The following CNIH3 variants were observed in gnomAD, a reference collection of about 807,000 sequenced individuals.
The protein encoded by CNIH3 is cornichon family AMPA receptor auxiliary protein 3, also known as protein cornichon homolog 3.
In CNIH3, 14 loss-of-function variants were observed where a neutral mutation model predicts 24.1. The ratio of observed to expected loss-of-function variants is 0.58; its 90% confidence interval spans 0.38 to 0.91. CNIH3 has a LOEUF of 0.91. Ranked by LOEUF, CNIH3 falls within the 40% of genes least tolerant of loss-of-function variation. CNIH3 has a pLI of 0.00. For synonymous variants in CNIH3, 68 were observed against 73.8 expected, an observed-to-expected ratio of 0.92 and a Z score of 0.40; for missense variants, 178 against 196.8, an observed-to-expected ratio of 0.90 and a Z score of 0.57.
intron 1 of CNIH3, among the ~76,000 whole-genome samples, chr1:224,646,648 C>G (rs891670227): frequency 6.6e-6 from 1 of 152,142 alleles, no homozygotes; most frequent in African/African-American, 2.4e-5. Context: ...TCAAGCAACC[C>G]TCCTGCTTCG....
At chr1:224,667,821 A>T (rs1685669039) in intron 1 of CNIH3, among the ~76,000 whole-genome samples, 1 of 152,068 alleles carries the variant, frequency 6.6e-6, no homozygotes, top group Non-Finnish European at 1.5e-5. Flanking sequence ...TTGGCATACC[A>T]ATCCCTAAGG....
At chr1:224,615,961 G>C (rs566950975), upstream of CNIH3, 2 of 153,046 alleles carry the variant, frequency 1.3e-5, no homozygotes, top group East Asian at 3.8e-4. Context: ...CAAGAACCGG[G>C]AGGGGCGGCT....
At chr1:224,674,916 G>T (rs770966176) in intron 1 of CNIH3, among the ~76,000 whole-genome samples, 1 of 152,038 alleles carries the variant, frequency 6.6e-6, no homozygotes, top group Non-Finnish European at 1.5e-5. Flanking sequence ...TGCATCTCCT[G>T]CAAGACCTCC....
intron 3 of CNIH3, among the ~76,000 whole-genome samples, chr1:224,553,309 T>G (rs1680003378): frequency 6.6e-6 from 1 of 151,828 alleles, no homozygotes; most frequent in Non-Finnish European, 1.5e-5. Context: ...CCCTGTGATA[T>G]TAAGAGTAAT....
chr1:224,682,362 C>G (rs1243524279), intron 2 of CNIH3, among the ~76,000 whole-genome samples: 2 of 152,192 alleles, frequency 1.3e-5, no homozygotes, highest in Admixed American at 1.3e-4. Flanking sequence ...CCCAGGCTTG[C>G]CTGTCTCCAA....
intron 1 of CNIH3, among the ~76,000 whole-genome samples, chr1:224,483,759 TG>T (rs1343593106): frequency 1.3e-5 from 2 of 152,080 alleles, no homozygotes; most frequent in Non-Finnish European, 2.9e-5. Flanking sequence ...GGTGTTCCTG[TG>T]GGGGATGACA....
intron 1 of CNIH3, among the ~76,000 whole-genome samples, chr1:224,453,958 T>C (rs938246571): frequency 5.9e-5 from 9 of 152,234 alleles, no homozygotes; most frequent in Admixed American, 3.3e-4. Context: ...GTCCAAAAGA[T>C]TGCGCATTAA....
chr1:224,460,499 C>T (rs957097932), intron 1 of CNIH3, among the ~76,000 whole-genome samples: 5 of 152,170 alleles, frequency 3.3e-5, no homozygotes, highest in Non-Finnish European at 7.4e-5. Flanking sequence ...CTTCTTTTGT[C>T]TGTCTTCTTT....
intron 1 of CNIH3, among the ~76,000 whole-genome samples, chr1:224,461,329 G>A (rs758455801): frequency 6.6e-5 from 10 of 152,126 alleles, no homozygotes; most frequent in Non-Finnish European, 1.2e-4. Context: ...AACAAAGGAT[G>A]TTTAATACAG....
At chr1:224,594,414 G>C (rs1572545569) in intron 3 of CNIH3, among the ~76,000 whole-genome samples, 2 of 152,322 alleles carry the variant, frequency 1.3e-5, no homozygotes, top group African/African-American at 4.8e-5. Flanking sequence ...CACGAGTTCT[G>C]TCTATAGTGG....
At chr1:224,509,094 G>A (rs532704849) in intron 1 of CNIH3, among the ~76,000 whole-genome samples, 9 of 152,316 alleles carry the variant, frequency 5.9e-5, no homozygotes, top group African/African-American at 2.2e-4. Context: ...AGGCCAAGGT[G>A]GGTGGATCAC....
intron 4 of CNIH3, among the ~76,000 whole-genome samples, chr1:224,568,296 CAAGCAAACAAACAA>C (rs1174258224): frequency 1.1e-5 from 1 of 91,142 alleles, no homozygotes; most frequent in Non-Finnish European, 2.6e-5. Context: ...CTCAAACAAA[CAAGCAAACAAACAA>C]AAAAAATTTA....
chr1:224,581,831 C>G (rs990204531), intron 4 of CNIH3, among the ~76,000 whole-genome samples: 1 of 152,116 alleles, frequency 6.6e-6, no homozygotes, highest in Non-Finnish European at 1.5e-5. Flanking sequence ...CACTTATAAA[C>G]CTAGACTTTG....
At chr1:224,682,440 C>G (rs773402271) in intron 2 of CNIH3, among the ~76,000 whole-genome samples, 3 of 152,124 alleles carry the variant, frequency 2.0e-5, no homozygotes, top group Non-Finnish European at 4.4e-5. Flanking sequence ...TATCTGAGGC[C>G]CACTTTGGCA....
intron 5 of CNIH3, among the ~76,000 whole-genome samples, chr1:224,737,912 C>G (rs1023143788): frequency 6.6e-6 from 1 of 152,210 alleles, no homozygotes; most frequent in Non-Finnish European, 1.5e-5. Flanking sequence ...GATACTAATA[C>G]TAGCTAGTGA....
At chr1:224,587,245 A>G (rs1681549669) in intron 5 of CNIH3, 1 of 152,416 alleles carries the variant, frequency 6.6e-6, no homozygotes, top group South Asian at 2.1e-4. Flanking sequence ...CAGAGACCCC[A>G]GACTTCAGAA....
rs1167096315 is a variant in CNIH3, at chr1:224,704,469, T to C, written c.198+19626T>C. ...CCTGAGTCTCATTTAACATTTTATT[T>C]TGAAAAATGTCAAATATAAGGGGAT... is the stretch of plus-strand genomic sequence containing the variant. On this transcript the variant is annotated intron_variant, in intron 3 of 5. Transcript: ENST00000272133. The surrounding 1 kb of genome is among the most constrained non-coding windows in gnomAD (Gnocchi z 4.2). Among the ~76,000 whole-genome samples, 2 of 152,166 alleles carry C rather than the reference T, an allele frequency of 1.3e-5. No individual in the cohort carries two copies.
In CNIH3 at chr1:224,660,433, G is replaced by A. The variant is rs149432402; in HGVS notation, c.82-20525G>A. Among the ~76,000 whole-genome samples, 297 of 152,226 alleles carry A rather than the reference G, an allele frequency of 2.0e-3. 3 individuals carry two copies. Among genetic ancestry groups the A allele is most frequent in the African/African-American group, 6.9e-3 (285 of 41,540 alleles). On this transcript the variant is annotated intron_variant, in intron 1 of 5. Transcript: ENST00000272133. ...TTGGTTGGGGACACAGCCAAACCGT[G>A]TCAGATAACTTCTGAATTAAACAAA... is the stretch of plus-strand genomic sequence containing the variant.
chr1:224,619,398 G>A (rs1057052624), intron 1 of CNIH3, among the ~76,000 whole-genome samples: 1 of 152,188 alleles, frequency 6.6e-6, no homozygotes, highest in Non-Finnish European at 1.5e-5. Context: ...CAGATTCCTC[G>A]TGGAAGTGGC....
Sources: allele counts gnomAD v4.1 joint callset (sites outside exome capture counted in the v4.1 genomes callset), GRCh38; gene constraint gnomAD v4.1.1; non-coding constraint Gnocchi (gnomAD v3.1); transcripts MANE v1.5; gene names NCBI Gene and HGNC (gene_info 2026-07-23, HGNC 2026-07-21).